The following CSMD1 variants were observed in gnomAD, a reference collection of about 807,000 sequenced individuals.
CSMD1 encodes CUB and sushi domain-containing protein 1.
CSMD1 carries 213 observed loss-of-function variants against 417.5 expected under a neutral mutation model. The ratio of observed to expected loss-of-function variants is 0.51; its 90% CI spans 0.46 to 0.57. CSMD1 has a LOEUF of 0.57. Among genes scored for constraint, CSMD1 ranks in the 20% least tolerant of loss-of-function variants. CSMD1 has a pLI of 0.00. For synonymous variants in CSMD1, 2,862 were observed against 1,736.8 expected (o/e 1.65, Z -16.11); for missense variants, 6,923 against 4,529.7 (o/e 1.53, Z -15.17).
chr8:3,905,575 G>C (rs1488615050), intron 5 of CSMD1, among the ~76,000 whole-genome samples: 2 of 152,204 alleles, frequency 1.3e-5, no homozygotes, highest in Non-Finnish European at 2.9e-5. Context: ...TGCAAACACA[G>C]ATGGCTGGAC....
intron 2 of CSMD1, among the ~76,000 whole-genome samples, chr8:4,583,974 G>C (rs144530469): frequency 2.0e-5 from 3 of 151,848 alleles, no homozygotes; most frequent in African/African-American, 4.8e-5. Context: ...TGAAGCCAAC[G>C]AGACCACAAG....
chr8:4,739,672 T>C (rs542720899), intron 1 of CSMD1, among the ~76,000 whole-genome samples: 49 of 152,292 alleles, frequency 3.2e-4, no homozygotes, highest in African/African-American at 1.2e-3. Context: ...CCACACTTTG[T>C]GTCTATCACT....
chr8:3,407,862 G>A (rs1175991439), intron 14 of CSMD1, 37 bp downstream of exon 14: 5 of 1,525,102 alleles, frequency 3.3e-6, no homozygotes, highest in Non-Finnish European at 4.4e-6. Context: ...TAAGTAAAAT[G>A]AGAACTTGGA....
intron 3 of CSMD1, among the ~76,000 whole-genome samples, chr8:4,286,192 T>C (rs74975097): frequency 6.6e-6 from 1 of 152,122 alleles, no homozygotes; most frequent in Non-Finnish European, 1.5e-5. Flanking sequence ...CAGTTTTCTT[T>C]TCTCCCGACT....
intron 3 of CSMD1, among the ~76,000 whole-genome samples, chr8:4,332,944 TAAAAA>T (rs35103998): frequency 8.4e-5 from 12 of 143,618 alleles, no homozygotes; most frequent in African/African-American, 3.1e-4. Context: ...TATAAAAATC[TAAAAA>T]AAAAAAAACT....
At chr8:4,190,740 A>G (rs191089551) in intron 3 of CSMD1, among the ~76,000 whole-genome samples, 392 of 152,280 alleles carry the variant, frequency 2.6e-3, no homozygotes, top group African/African-American at 8.8e-3. Context: ...ACATGAATGG[A>G]TATAACTAAT....
chr8:3,431,863 C>T (rs562302528), intron 12 of CSMD1, among the ~76,000 whole-genome samples: 1 of 152,256 alleles, frequency 6.6e-6, no homozygotes, highest in East Asian at 1.9e-4. Flanking sequence ...CCACCACGCC[C>T]ACAGTGAGAT....
intron 38 of CSMD1, among the ~76,000 whole-genome samples, chr8:3,158,304 C>T (rs1208980206): frequency 6.6e-6 from 1 of 151,712 alleles, no homozygotes; most frequent in Non-Finnish European, 1.5e-5. Context: ...CCAGAATTTA[C>T]AGCTTTTGGC....
At chr8:3,663,585 G>A (rs983423180) in intron 7 of CSMD1, among the ~76,000 whole-genome samples, 1 of 152,090 alleles carries the variant, frequency 6.6e-6, no homozygotes, top group Non-Finnish European at 1.5e-5. Flanking sequence ...CCACCCCTCT[G>A]CTCACTGAGA....
intron 41 of CSMD1, among the ~76,000 whole-genome samples, chr8:3,142,053 T>A (rs1363801142): frequency 6.6e-6 from 1 of 152,214 alleles, no homozygotes; most frequent in Non-Finnish European, 1.5e-5. Flanking sequence ...CGCCTCGGCC[T>A]TCCAAAGTGC....
chr8:3,004,041 A>C (rs1376992881), intron 52 of CSMD1, among the ~76,000 whole-genome samples: 1 of 152,118 alleles, frequency 6.6e-6, no homozygotes, highest in African/African-American at 2.4e-5. Context: ...AACTCCACTG[A>C]GTATGCACAG....
intron 5 of CSMD1, among the ~76,000 whole-genome samples, chr8:3,984,382 G>C (rs939468370): frequency 3.3e-5 from 5 of 152,062 alleles, no homozygotes; most frequent in African/African-American, 7.2e-5. Flanking sequence ...TTCCTATTTA[G>C]ACTTTTCAAT....
At chr8:4,479,694 GACCA>G (rs1289871134) in intron 2 of CSMD1, among the ~76,000 whole-genome samples, 4 of 151,964 alleles carry the variant, frequency 2.6e-5, no homozygotes, top group Non-Finnish European at 5.9e-5. Context: ...AGGAGAGAGA[GACCA>G]TCCTGGCCAA....
At chr8:4,477,136 C>T (rs1487307456) in intron 2 of CSMD1, among the ~76,000 whole-genome samples, 1 of 152,184 alleles carries the variant, frequency 6.6e-6, no homozygotes, top group Non-Finnish European at 1.5e-5. Context: ...CACAGTTTAT[C>T]CAGTGGGCAT....
chr8:3,342,913 GTGTCAT>G lies in CSMD1; in HGVS notation c.3631+375_3631+380del, dbSNP rs546183502. On this transcript the variant is annotated intron_variant, in intron 23 of 69. Transcript: ENST00000635120. Reference sequence around the variant, plus strand: ...TATATGTGTGTATGTGTGTGTGTGTGTGTCATTCAAAGTCTATTACCTCCGGTTGTA... The same window carrying G: ...TATATGTGTGTATGTGTGTGTGTGTGTCAAAGTCTATTACCTCCGGTTGTA... Among the ~76,000 whole-genome samples the G allele has an allele frequency of 1.5e-4, 23 of 151,988 alleles. No homozygotes were observed. The South Asian group carries it at 4.8e-3, about 32-fold the overall frequency.
At position 3,109,814 on chromosome 8, in the gene CSMD1, C is replaced by T. The variant is rs570626374; in HGVS notation, c.6608+344G>A. ...CACACACACAAACACACACGTAAGC[C>T]ACACAGACATACACAAGCCACACAC... On this transcript the variant is annotated intron_variant, in intron 43 of 69. Coordinates refer to ENST00000635120, the MANE Select transcript of CSMD1 (RefSeq NM_033225.6). Among the ~76,000 whole-genome samples the T allele has an allele frequency of 5.3e-5, 8 of 151,586 alleles. No homozygotes were observed. The East Asian group carries it at 1.2e-3, about 22-fold the overall frequency.
At position 4,970,767 on chromosome 8, in the gene CSMD1, A is replaced by G. The variant is rs555024951; in HGVS notation, c.85+23565T>C. Among the ~76,000 whole-genome samples, 465 of 152,220 alleles carry G rather than the reference A, an allele frequency of 3.1e-3. 5 individuals carry two copies. Among genetic ancestry groups the G allele is most frequent in the African/African-American group, 0.011 (438 of 41,568 alleles). On this transcript the variant is annotated intron_variant, in intron 1 of 69. Transcript: ENST00000635120. The stretch of plus-strand genomic sequence containing the variant: ...GTGGTTCTTTTTTTGACAAAACCAA[A>G]CAAGGGTCTTAATTTTCCAACTACA...
At chr8:4,682,205 G>C (rs1172260608) in intron 1 of CSMD1, among the ~76,000 whole-genome samples, 1 of 151,954 alleles carries the variant, frequency 6.6e-6, no homozygotes, top group Non-Finnish European at 1.5e-5. Context: ...TTTTTGAATT[G>C]TTTTTGTAGA....
rs573408893 is a variant in CSMD1 at position 4,026,166 on chromosome 8, T to A, written c.610+5739A>T. On this transcript the variant is annotated intron_variant, in intron 4 of 69. Coordinates refer to ENST00000635120, the MANE Select transcript of CSMD1 (RefSeq NM_033225.6). ...CTCATAAATATGTCACATTTACACA[T>A]TTACAAGAATTAGATCATTTTTTCT... is the stretch of plus-strand genomic sequence containing the variant. Among the ~76,000 whole-genome samples the A allele has an allele frequency of 1.5e-4, 23 of 152,312 alleles. No individual in the cohort carries two copies. The East Asian group carries it at 4.4e-3, about 29-fold the overall frequency.
Sources: gnomAD v4.1 joint callset for allele counts (sites outside exome capture counted in the v4.1 genomes callset) on GRCh38, gnomAD v4.1.1 for gene constraint, MANE v1.5 for transcripts, NCBI Gene and HGNC (gene_info 2026-07-23, HGNC 2026-07-21) for gene names.